MIF4GD: variants seen among roughly 807,000 people sequenced by gnomAD.
The protein encoded by MIF4GD is MIF4G domain containing.
Under a neutral mutation model 26.7 loss-of-function variants are expected in MIF4GD, and 22 were observed. The observed-to-expected ratio is 0.82, with a 90% CI of 0.59 to 1.18. The LOEUF (loss-of-function observed/expected upper bound fraction) is 1.18. Ranked by LOEUF, MIF4GD falls within the 50% of genes most tolerant of loss-of-function variation. The probability of loss-of-function intolerance (pLI) is 0.00; values close to 1 mark genes in which losing one functional copy is unlikely to be tolerated. For missense variants in MIF4GD, 262 were observed against 279.6 expected, an observed-to-expected ratio of 0.94 and a Z score of 0.45; for synonymous variants, 137 against 111.6, an observed-to-expected ratio of 1.23 and a Z score of -1.43.
Position 75,266,926 on chromosome 17 carries a change from C to T in MIF4GD, c.483G>A (p.Gln161=). The T allele has an allele frequency of 2.5e-6, 4 of 1,614,180 alleles. No homozygotes were observed. The highest frequency in any genetic ancestry group is 3.4e-6 in the Non-Finnish European group (4 of 1,180,044). The stretch of plus-strand genomic sequence containing the variant: ...TGCGCTGCCCATTCATTTTCTCCAG[C>T]TGCTCCCCAACCCGGTGCAGCTGCA... The part of the protein sequence containing the change: ...LVLQLHRVGE[Q]LEKMNGQRMD... Residue 161 remains glutamine, a synonymous_variant, in exon 6 of 6, where the codon CAG becomes CAA. Transcript: ENST00000325102.
At chr17:75,267,185 C>CCAACACTTCTT (rs1555597006) in intron 5 of MIF4GD, among the ~76,000 whole-genome samples, 2 of 151,450 alleles carry the variant, frequency 1.3e-5, no homozygotes, top group Non-Finnish European at 2.9e-5. Context: ...AAGCCTGTCT[C>CCAACACTTCTT]CAAACCACTT....
At chr17:75,269,335 T>C in intron 2 of MIF4GD, 2 of 1,613,082 alleles carry the variant, frequency 1.2e-6, no homozygotes, top group Non-Finnish European at 1.7e-6. Flanking sequence ...TAATTATTAG[T>C]TGAAGACAAA....
At position 75,267,783 on chromosome 17, in the gene MIF4GD, TAGC is replaced by T. The variant is rs758916867; in HGVS notation, c.308_310del (p.Cys103del). 8.1e-6 allele frequency: 13 copies of T among 1,613,834 alleles called. No homozygotes were observed. The African/African-American group carries it at 1.7e-4, about 22-fold the overall frequency. On this transcript the variant is annotated inframe_deletion, in exon 4 of 6. Coordinates refer to ENST00000325102, the MANE Select transcript of MIF4GD (RefSeq NM_001370592.1). ...AAAGATGTTGCAGATAAAGGTGACA[TAGC>T]AGACCCAGCCCTGCAGGGAGCGTGC...
At position 75,266,944 on chromosome 17, in the gene MIF4GD, C is replaced by T; in HGVS notation, c.465G>A (p.Leu155=). The part of the protein sequence containing the change: ...EEEVDCLVLQ[L]HRVGEQLEKM... ...TCTCCAGCTGCTCCCCAACCCGGTG[C>T]AGCTGCAGCACCAAACAGTCCACCT... The change falls in exon 6 of 6, where the codon CTG becomes CTA. Residue 155 remains leucine, a synonymous_variant. Transcript: ENST00000325102. 1 of 1,613,958 alleles carries T rather than the reference C, an allele frequency of 6.2e-7. No individual in the cohort carries two copies. Among genetic ancestry groups the T allele is most frequent in the Admixed American group, 1.7e-5 (1 of 60,002 alleles).
In MIF4GD at chr17:75,267,403, T is replaced by C. The variant is rs1204049707; in HGVS notation, c.441+135A>G. ...AGCTTGTCCTATAACTGACAGGCCT[T>C]AAACACCCCCACAGTCCTGCCCCAG... On this transcript the variant is annotated intron_variant, in intron 5 of 5. Transcript: ENST00000325102. The C allele has an allele frequency of 5.8e-6, 5 of 863,920 alleles. No homozygotes were observed. The Admixed American group carries it at 7.2e-5, about 12-fold the overall frequency. 53.5% of individuals were successfully genotyped at this position (863,920 alleles called of 1,614,324 possible).
At chr17:75,267,352 T>G (rs1267647183) in intron 5 of MIF4GD, 186 bp downstream of exon 5, 2 of 632,180 alleles carry the variant, frequency 3.2e-6, no homozygotes, top group Non-Finnish European at 5.5e-6. Context: ...TTGGCTGCTC[T>G]CTATTGGATA....
Position 75,266,983 on chromosome 17 carries a change from T to C in MIF4GD, c.442-16A>G, listed in dbSNP as rs376173988. On this transcript the variant is annotated splice_polypyrimidine_tract_variant and intron_variant, in intron 5 of 5. Transcript: ENST00000325102. ...AACAGTCCACCTGCAGGCGACAGTG[T>C]GGGTAACACAAGTGAACTGGGGCAG... 7 of 1,608,376 alleles carry C rather than the reference T, an allele frequency of 4.4e-6. No homozygotes were observed. The highest frequency in any genetic ancestry group is 5.9e-6 in the Non-Finnish European group (7 of 1,177,364).
chr17:75,269,741 C>CTTTTTTTT (rs1207377348), intron 2 of MIF4GD, among the ~76,000 whole-genome samples: 1 of 107,618 alleles, frequency 9.3e-6, no homozygotes, highest in Non-Finnish European at 1.8e-5. Context: ...TCTTTTCTTT[C>CTTTTTTTT]TTTTTTTTTT....
chr17:75,269,737 C>CTTTTTTTTTTTTTTT (rs796368431), intron 2 of MIF4GD, among the ~76,000 whole-genome samples: 2 of 103,716 alleles, frequency 1.9e-5, no homozygotes, highest in Non-Finnish European at 3.6e-5. Flanking sequence ...TTTTTCTTTT[C>CTTTTTTTTTTTTTTT]TTTCTTTTTT....
intron 2 of MIF4GD, among the ~76,000 whole-genome samples, chr17:75,269,701 A>C (rs1348956402): frequency 6.9e-6 from 1 of 144,542 alleles, no homozygotes; most frequent in African/African-American, 2.5e-5. Context: ...CTGGGACCAC[A>C]GGTGCCTGCC....
chr17:75,269,267 A>C, intron 2 of MIF4GD: 1 of 1,541,396 alleles, frequency 6.5e-7, no homozygotes, highest in Non-Finnish European at 8.8e-7. Flanking sequence ...AACCCCCAAC[A>C]AGAGAGGGCC....
intron 3 of MIF4GD, 21 bp downstream of exon 3, chr17:75,268,057 CTTCCT>C: frequency 1.2e-6 from 2 of 1,612,230 alleles, no homozygotes; most frequent in Non-Finnish European, 1.7e-6. Flanking sequence ...CTCAAAGCAG[CTTCCT>C]TTCCTCTCCC....
Position 75,266,768 on chromosome 17 carries a change from T to C in MIF4GD, c.641A>G (p.Lys214Arg). Reference sequence around the variant, plus strand: ...GTCGGAGACTTCGCTGTAGTAATACTTGTGGGCAGCTGGCGTTGTCTTCCA... The same window carrying C: ...GTCGGAGACTTCGCTGTAGTAATACCTGTGGGCAGCTGGCGTTGTCTTCCA... ...AGWKTTPAAHKYYYSEVSD is the reference protein window; with the variant it reads ...AGWKTTPAAHRYYYSEVSD The change falls in exon 6 of 6, where the codon AAG becomes AGG. Residue 214 changes from lysine to arginine, a missense_variant. By Grantham distance (26) the Lys-to-Arg change is conservative. Transcript: ENST00000325102. 1 of 1,614,206 alleles carries C rather than the reference T, an allele frequency of 6.2e-7. No homozygotes were observed. Among genetic ancestry groups the C allele is most frequent in the Non-Finnish European group, 8.5e-7 (1 of 1,180,026 alleles).
intron 2 of MIF4GD, among the ~76,000 whole-genome samples, chr17:75,269,028 G>A (rs532068628): frequency 1.8e-4 from 27 of 151,902 alleles, no homozygotes; most frequent in Admixed American, 1.4e-3. Flanking sequence ...AAAAGAAACC[G>A]TACAGAGGAC....
chr17:75,267,988 A>G, intron 3 of MIF4GD, 87 bp from the exon 4 acceptor site: 2 of 1,603,870 alleles, frequency 1.2e-6, no homozygotes, highest in Non-Finnish European at 1.7e-6. Context: ...TCTTTGAGCT[A>G]GACCCTGTGC....
intron 2 of MIF4GD, chr17:75,269,548 C>CTTTTTTTTTTTTTTTTTTT (rs547476219): frequency 2.1e-6 from 1 of 481,722 alleles, no homozygotes; most frequent in Non-Finnish European, 2.9e-6. Flanking sequence ...TATGGTTAAA[C>CTTTTTTTTTTTTTTTTTTT]TTTTTTTTTT....
In MIF4GD at chr17:75,269,737, CTTTCTTTTTTTTT is replaced by C. The variant is rs2077654832; in HGVS notation, c.82+364_82+376del. On this transcript the variant is annotated intron_variant, in intron 2 of 5. Transcript: ENST00000325102. ...ACTATGCCCGGCTAATTTTTCTTTTCTTTCTTTTTTTTTTTTTTTTTGTAGAGATGGGGTTTAC... is the reference window on the plus strand; with the variant it reads ...ACTATGCCCGGCTAATTTTTCTTTTCTTTTTTTTGTAGAGATGGGGTTTAC... Among the ~76,000 whole-genome samples, 2 of 103,720 alleles carry C rather than the reference CTTTCTTTTTTTTT, an allele frequency of 1.9e-5. 1 individual carries two copies. The allele number at this position is 103,720 out of a possible 152,430, so 68.0% of individuals were successfully genotyped here. A position where few individuals can be genotyped will look rare whatever the true frequency, so the allele number is the denominator to read the frequency against.
intron 2 of MIF4GD, among the ~76,000 whole-genome samples, chr17:75,268,976 C>T (rs2077610305): frequency 1.3e-5 from 2 of 151,726 alleles, no homozygotes; most frequent in African/African-American, 4.8e-5. Flanking sequence ...TGCACTCCAG[C>T]TTGGGCAAGA....
intron 2 of MIF4GD, chr17:75,269,227 GAA>G: frequency 1.8e-6 from 2 of 1,129,750 alleles, no homozygotes; most frequent in Non-Finnish European, 1.2e-6. Context: ...AATTTCACAA[GAA>G]AAAGTGTTCT....
Sources: gnomAD v4.1 joint callset for allele counts (sites outside exome capture counted in the v4.1 genomes callset) on GRCh38, gnomAD v4.1.1 for gene constraint, MANE v1.5 for transcripts, NCBI Gene and HGNC (gene_info 2026-07-23, HGNC 2026-07-21) for gene names.